Variants in RFX4 observed in about 807,000 individuals in gnomAD.
RFX4 encodes the protein regulatory factor X4, also known as transcription factor RFX4.
Under a neutral mutation model 95.0 loss-of-function variants are expected in RFX4, and 10 were observed. That is an observed-to-expected ratio of 0.11 (90% CI 0.06 to 0.18). The LOEUF (loss-of-function observed/expected upper bound fraction) is 0.18, where lower values mean the gene tolerates loss of function less well. Among genes scored for constraint, RFX4 ranks in the 10% least tolerant of loss-of-function variants. The pLI is 1.00. For synonymous variants in RFX4, 321 were observed against 340.7 expected, an observed-to-expected ratio of 0.94 and a Z score of 0.64; for missense variants, 640 against 922.0, an observed-to-expected ratio of 0.69 and a Z score of 3.96.
intron 4 of RFX4, among the ~76,000 whole-genome samples, chr12:106,660,547 G>A (rs1332727940): frequency 6.6e-6 from 1 of 152,110 alleles, no homozygotes; most frequent in African/African-American, 2.4e-5. Context: ...AACAAGCTAA[G>A]CCTTTTCAGA....
At chr12:106,595,790 T>C (rs1313022802) in intron 1 of RFX4, among the ~76,000 whole-genome samples, 2 of 152,154 alleles carry the variant, frequency 1.3e-5, no homozygotes, top group African/African-American at 4.8e-5. Flanking sequence ...TCATTAACAG[T>C]GCGGGCTCTG....
chr12:106,659,098 T>C (rs551749234), intron 4 of RFX4, among the ~76,000 whole-genome samples: 3 of 152,350 alleles, frequency 2.0e-5, no homozygotes, highest in Admixed American at 1.3e-4. Context: ...TTTTGGGTTA[T>C]TGATTATAAG....
chr12:106,732,137 T>C lies in RFX4; in HGVS notation c.1359T>C (p.Phe453=). The C allele has an allele frequency of 6.2e-7, 1 of 1,613,478 alleles. No homozygotes were observed. Among genetic ancestry groups the C allele is most frequent in the South Asian group, 1.1e-5 (1 of 91,020 alleles). ...TLHSAPSFGS[F]HLIHLMFDDY... Reference sequence around the variant, plus strand: ...GATCCTTTTTTTCACCAGGGTCTTTTCACCTAATTCACTTAATGTTTGATG... The same window carrying C: ...GATCCTTTTTTTCACCAGGGTCTTTCCACCTAATTCACTTAATGTTTGATG... The change falls in exon 14 of 18, where the codon TTT becomes TTC. Residue 453 remains phenylalanine (F), a synonymous_variant. Transcript: ENST00000392842.
At chr12:106,650,858 T>A (rs2040844050) in intron 3 of RFX4, among the ~76,000 whole-genome samples, 1 of 152,218 alleles carries the variant, frequency 6.6e-6, no homozygotes, top group African/African-American at 2.4e-5. Context: ...TAAATTAATG[T>A]CAGTTATTGT....
At chr12:106,686,576 A>G (rs1485696473) in intron 5 of RFX4, among the ~76,000 whole-genome samples, 1 of 152,136 alleles carries the variant, frequency 6.6e-6, no homozygotes, top group Non-Finnish European at 1.5e-5. Flanking sequence ...ATGAGAGATC[A>G]AGTACTAATG....
At chr12:106,698,435 G>A (rs767934404) in intron 8 of RFX4, among the ~76,000 whole-genome samples, 2 of 151,858 alleles carry the variant, frequency 1.3e-5, no homozygotes, top group Non-Finnish European at 2.9e-5. Flanking sequence ...TGCCCCACAG[G>A]ACCTGGCTAA....
At chr12:106,613,258 G>C (rs926443592) in intron 2 of RFX4, among the ~76,000 whole-genome samples, 2 of 116,246 alleles carry the variant, frequency 1.7e-5, no homozygotes, top group Admixed American at 1.8e-4. Context: ...TTGTATGCCA[G>C]ACCATCCTTG....
Position 106,751,087 on chromosome 12 carries a change from T to TC in RFX4, c.1935+299dup, listed in dbSNP as rs1324048297. Among the ~76,000 whole-genome samples the TC allele has an allele frequency of 5.0e-3, 358 of 71,366 alleles. 1 individual carries two copies. Among genetic ancestry groups the TC allele is most frequent in the Non-Finnish European group, 3.7e-3 (133 of 36,214 alleles). The allele number at this position is 71,366 out of a possible 152,430, so 46.8% of individuals were successfully genotyped here. ...ATCTCCCAATGCTATCCCTCCCCCCTCCCCCTACCCCACAACAGTCCCCAG... is the reference window on the plus strand; with the variant it reads ...ATCTCCCAATGCTATCCCTCCCCCCTCCCCCCTACCCCACAACAGTCCCCAG... On this transcript the variant is annotated intron_variant, in intron 17 of 17. Transcript: ENST00000392842.
At chr12:106,687,549 C>CAAAAAAAAAAAAAAA (rs34562413) in intron 6 of RFX4, among the ~76,000 whole-genome samples, 1 of 73,912 alleles carries the variant, frequency 1.4e-5, no homozygotes, top group East Asian at 4.4e-4. Flanking sequence ...AACTCCATCT[C>CAAAAAAAAAAAAAAA]AAAAAAAAAA....
chr12:106,655,861 A>C (rs754624778), intron 4 of RFX4, among the ~76,000 whole-genome samples: 1 of 152,174 alleles, frequency 6.6e-6, no homozygotes, highest in Non-Finnish European at 1.5e-5. Flanking sequence ...AGCACCTACC[A>C]TGTGCGATTA....
intron 4 of RFX4, among the ~76,000 whole-genome samples, chr12:106,676,848 T>G (rs2041401837): frequency 6.6e-6 from 1 of 152,184 alleles, no homozygotes; most frequent in Non-Finnish European, 1.5e-5. Flanking sequence ...TGTAGGAATA[T>G]GACATAAAAG....
intron 2 of RFX4, among the ~76,000 whole-genome samples, chr12:106,634,389 C>T (rs1269905196): frequency 6.6e-6 from 1 of 152,138 alleles, no homozygotes; most frequent in Non-Finnish European, 1.5e-5. Flanking sequence ...GCCTCCTGGC[C>T]GGCCAGGCAC....
intron 2 of RFX4, among the ~76,000 whole-genome samples, chr12:106,633,234 A>G (rs754054599): frequency 1.1e-4 from 17 of 152,228 alleles, no homozygotes; most frequent in Non-Finnish European, 2.4e-4. Context: ...TGGAGGGCCC[A>G]CATTGGCTTT....
intron 15 of RFX4, among the ~76,000 whole-genome samples, chr12:106,743,816 T>G (rs2042848397): frequency 6.6e-6 from 1 of 152,214 alleles, no homozygotes; most frequent in Admixed American, 6.5e-5. Context: ...CAATATCCAT[T>G]GACCTCGCTG....
chr12:106,632,739 G>A (rs2040440174), intron 2 of RFX4, among the ~76,000 whole-genome samples: 1 of 152,168 alleles, frequency 6.6e-6, no homozygotes, highest in Non-Finnish European at 1.5e-5. Context: ...GGCTGGTCTG[G>A]AGCTCCTGGG....
At chr12:106,761,159 T>A in intron 17 of RFX4, 38 bp from the exon 18 acceptor site, 1 of 1,596,076 alleles carries the variant, frequency 6.3e-7, no homozygotes, top group Admixed American at 1.7e-5. Flanking sequence ...AACCTCAAGC[T>A]AATTTTAACT....
At chr12:106,716,782 C>T (rs146288709) in intron 11 of RFX4, among the ~76,000 whole-genome samples, 12 of 152,150 alleles carry the variant, frequency 7.9e-5, no homozygotes, top group East Asian at 7.7e-4. Flanking sequence ...AATACATGCA[C>T]GGTCCCATTT....
chr12:106,675,304 G>C (rs1235203577), intron 4 of RFX4, among the ~76,000 whole-genome samples: 1 of 152,146 alleles, frequency 6.6e-6, no homozygotes, highest in Non-Finnish European at 1.5e-5. Flanking sequence ...GGTGGTGTAT[G>C]CCTGTAATCG....
chr12:106,620,305 G>A (rs1322438470), intron 2 of RFX4, among the ~76,000 whole-genome samples: 1 of 152,128 alleles, frequency 6.6e-6, no homozygotes, highest in Non-Finnish European at 1.5e-5. Context: ...ATAAGTGTCG[G>A]CTGGCTGAGA....
Sources: gnomAD v4.1 joint callset for allele counts (sites outside exome capture counted in the v4.1 genomes callset) on GRCh38, gnomAD v4.1.1 for gene constraint, MANE v1.5 for transcripts, NCBI Gene and HGNC (gene_info 2026-07-23, HGNC 2026-07-21) for gene names.